Variants in USO1 observed in about 807,000 individuals in gnomAD.
USO1 encodes the protein USO1 vesicle transport factor.
In USO1, 57 loss-of-function variants were observed where a neutral mutation model predicts 124.5. That is an observed-to-expected ratio of 0.46 (90% CI 0.37 to 0.57). The LOEUF is 0.57. Ranked by LOEUF, USO1 falls within the 20% of genes least tolerant of loss-of-function variation. The pLI, the probability that USO1 is intolerant of heterozygous loss-of-function variation, is 0.00. For synonymous variants in USO1, 369 were observed against 362.8 expected (o/e 1.02, Z -0.19); for missense variants, 900 against 1,040.6 (o/e 0.86, Z 1.86).
At chr4:75,781,898 T>C (rs1168124102) in intron 8 of USO1, among the ~76,000 whole-genome samples, 2 of 152,222 alleles carry the variant, frequency 1.3e-5, no homozygotes, top group Admixed American at 1.3e-4. Context: ...AAACGGAGGC[T>C]ATTGGTTAAT....
chr4:75,733,695 T>A (rs967088331), intron 1 of USO1, among the ~76,000 whole-genome samples: 1 of 152,198 alleles, frequency 6.6e-6, no homozygotes, highest in Non-Finnish European at 1.5e-5. Flanking sequence ...TGAATTAAGT[T>A]CCTTACAGAT....
At chr4:75,749,815 C>T (rs914794061) in intron 1 of USO1, among the ~76,000 whole-genome samples, 1 of 149,936 alleles carries the variant, frequency 6.7e-6, no homozygotes, top group Non-Finnish European at 1.5e-5. Flanking sequence ...TGCAGTGGTG[C>T]GATCTCGGCT....
In USO1 at chr4:75,800,702, G is replaced by A. The variant is rs777523879; in HGVS notation, c.1767G>A (p.Leu589=). 1.1e-5 allele frequency: 17 copies of A among 1,608,018 alleles called. No individual in the cohort carries two copies. Among genetic ancestry groups the A allele is most frequent in the Non-Finnish European group, 1.4e-5 (16 of 1,178,490 alleles). ...EKLGFISKHE[L]YSRASQKPQP... ...TAGGATTTATTAGCAAACATGAGTTGTATTCCAGAGCATCTCAGAAACCCC... is the reference window on the plus strand; with the variant it reads ...TAGGATTTATTAGCAAACATGAGTTATATTCCAGAGCATCTCAGAAACCCC... The change falls in exon 16 of 24, where the codon TTG becomes TTA. Residue 589 remains leucine (L), a synonymous_variant. Coordinates refer to ENST00000514213, the MANE Select transcript of USO1 (RefSeq NM_003715.4).
At chr4:75,806,370 G>C in intron 19 of USO1, 116 bp from the exon 20 acceptor site, 2 of 1,238,994 alleles carry the variant, frequency 1.6e-6, no homozygotes. Context: ...TTAAAAGGTT[G>C]GTGTGAATTT....
At chr4:75,798,590 C>T (rs562380132) in intron 13 of USO1, among the ~76,000 whole-genome samples, 6 of 152,212 alleles carry the variant, frequency 3.9e-5, no homozygotes, top group Admixed American at 6.5e-5. Context: ...CCTGTTTGAA[C>T]TTAATTCAAT....
At chr4:75,805,039 A>C in intron 18 of USO1, 101 bp from the exon 19 acceptor site, 2 of 1,406,872 alleles carry the variant, frequency 1.4e-6, no homozygotes, top group Non-Finnish European at 1.9e-6. Context: ...AGTGCTGCCA[A>C]AGTAATTGAA....
intron 4 of USO1, among the ~76,000 whole-genome samples, chr4:75,759,647 G>A (rs1360526914): frequency 1.1e-4 from 17 of 151,022 alleles, no homozygotes; most frequent in African/African-American, 2.4e-4. Flanking sequence ...GGTGGCTCAC[G>A]CCTGTAATCC....
intron 7 of USO1, 95 bp from the exon 8 acceptor site, chr4:75,774,581 T>C: frequency 6.9e-7 from 1 of 1,441,622 alleles, no homozygotes; most frequent in Non-Finnish European, 9.2e-7. Context: ...GCTTGCAAAA[T>C]CTCTGCCAGT....
intron 4 of USO1, among the ~76,000 whole-genome samples, chr4:75,761,945 C>G (rs1337840306): frequency 6.6e-6 from 1 of 152,136 alleles, no homozygotes; most frequent in Non-Finnish European, 1.5e-5. Flanking sequence ...TGACTCTTGT[C>G]AAGCTATTTC....
chr4:75,791,526 A>G (rs1248051964), intron 12 of USO1, among the ~76,000 whole-genome samples: 1 of 152,188 alleles, frequency 6.6e-6, no homozygotes, highest in African/African-American at 2.4e-5. Flanking sequence ...TGTGCCTCAA[A>G]AATAAAAATT....
chr4:75,777,298 G>T (rs192922872), intron 8 of USO1, among the ~76,000 whole-genome samples: 1 of 152,198 alleles, frequency 6.6e-6, no homozygotes. Context: ...TTGATTCTTA[G>T]ATGCAATACC....
At chr4:75,779,723 G>A (rs1032094215) in intron 8 of USO1, among the ~76,000 whole-genome samples, 4 of 152,216 alleles carry the variant, frequency 2.6e-5, no homozygotes, top group African/African-American at 7.2e-5. Context: ...GAAAGAAGCT[G>A]TCTCCCTAAC....
chr4:75,777,811 T>A (rs975951606), intron 8 of USO1, among the ~76,000 whole-genome samples: 4 of 152,344 alleles, frequency 2.6e-5, no homozygotes, highest in South Asian at 2.1e-4. Context: ...CATAGTCTTA[T>A]GACTCAACAA....
At chr4:75,785,979 A>G (rs537900814) in intron 9 of USO1, among the ~76,000 whole-genome samples, 9 of 152,248 alleles carry the variant, frequency 5.9e-5, no homozygotes, top group Admixed American at 1.3e-4. Context: ...AGTGACATCA[A>G]TTTATTAATG....
chr4:75,810,637 C>T (rs758897703), intron 22 of USO1, 98 bp downstream of exon 22: 8 of 1,309,488 alleles, frequency 6.1e-6, no homozygotes, highest in Non-Finnish European at 8.1e-6. Flanking sequence ...ATGAAGAAAG[C>T]TAATGATGTG....
chr4:75,762,172 T>C, intron 4 of USO1, among the ~76,000 whole-genome samples: 1 of 137,698 alleles, frequency 7.3e-6, no homozygotes, highest in Admixed American at 7.2e-5. Context: ...TACTTTTTTT[T>C]TTTTTTTTTT....
chr4:75,777,776 T>A (rs1455672784), intron 8 of USO1, among the ~76,000 whole-genome samples: 1 of 152,162 alleles, frequency 6.6e-6, no homozygotes, highest in Non-Finnish European at 1.5e-5. Flanking sequence ...TAGAAAACAG[T>A]TTGGTGGTTT....
chr4:75,742,087 C>G (rs777949358), intron 1 of USO1, among the ~76,000 whole-genome samples: 1 of 152,176 alleles, frequency 6.6e-6, no homozygotes, highest in Non-Finnish European at 1.5e-5. Flanking sequence ...AAGGACCTGC[C>G]TGAGGCTGTT....
intron 10 of USO1, among the ~76,000 whole-genome samples, chr4:75,788,164 TTTA>T (rs1722416956): frequency 1.1e-5 from 1 of 91,252 alleles, no homozygotes; most frequent in African/African-American, 3.1e-5. Context: ...TATTTATTTA[TTTA>T]TTTATTTTTT....
Sources: gnomAD v4.1 joint callset for allele counts (sites outside exome capture counted in the v4.1 genomes callset) on GRCh38, gnomAD v4.1.1 for gene constraint, MANE v1.5 for transcripts, NCBI Gene and HGNC (gene_info 2026-07-23, HGNC 2026-07-21) for gene names.